FAAH2: variants seen among roughly 807,000 people sequenced by gnomAD.
FAAH2 encodes the protein fatty acid amide hydrolase 2.
FAAH2 carries 60 observed loss-of-function variants against 36.9 expected under a neutral mutation model. The ratio of observed to expected loss-of-function variants is 1.63; its 90% confidence interval spans 1.32 to 2.02. The LOEUF is 2.02. Among genes scored for constraint, FAAH2 ranks in the 30% most tolerant of loss-of-function variants. FAAH2 has a pLI of 0.00. For synonymous variants in FAAH2, 214 were observed against 143.8 expected, an observed-to-expected ratio of 1.49 and a Z score of -3.49; for missense variants, 689 against 397.5, an observed-to-expected ratio of 1.73 and a Z score of -6.23.
the FAAH2 span, among the ~76,000 whole-genome samples, chrX:57,242,511 AG>A: frequency 1.8e-5 from 2 of 112,477 alleles, no homozygotes; most frequent in South Asian, 7.4e-4. Flanking sequence ...GCTCCCAGCA[AG>A]GTCAACACAA....
the FAAH2 span, among the ~76,000 whole-genome samples, chrX:57,256,199 G>A: frequency 3.6e-5 from 4 of 111,243 alleles, no homozygotes; most frequent in Non-Finnish European, 3.8e-5. Flanking sequence ...AAAATACCTA[G>A]GAATCCAACT....
At chrX:57,353,502 A>G (rs960617287) in intron 5 of FAAH2, among the ~76,000 whole-genome samples, 9 of 105,062 alleles carry the variant, frequency 8.6e-5, no homozygotes, top group African/African-American at 2.2e-4. Context: ...AAAAAAAAAG[A>G]AAAAAAAGAA....
the FAAH2 span, among the ~76,000 whole-genome samples, chrX:57,146,654 G>T: frequency 1.8e-5 from 2 of 111,837 alleles, no homozygotes; most frequent in Non-Finnish European, 3.8e-5. Flanking sequence ...GTTCTCAGAG[G>T]AAATGCTTTC....
At chrX:57,152,913 C>T in the FAAH2 span, among the ~76,000 whole-genome samples, 1 of 110,016 alleles carries the variant, frequency 9.1e-6, no homozygotes, top group Non-Finnish European at 1.9e-5. Flanking sequence ...CCTTGGCTCC[C>T]CCCCCGCTGA....
chrX:57,338,762 C>G (rs1300505751), intron 4 of FAAH2, among the ~76,000 whole-genome samples: 2 of 109,959 alleles, frequency 1.8e-5, no homozygotes, highest in Non-Finnish European at 3.8e-5. Context: ...AGATAGGACA[C>G]AAACAAATGG....
chrX:57,163,307 T>C, the FAAH2 span, among the ~76,000 whole-genome samples: 21 of 112,123 alleles, frequency 1.9e-4, no homozygotes, highest in African/African-American at 6.5e-4. Context: ...GTTACTGCTG[T>C]CTTTTTTTTT....
At chrX:57,293,728 G>A (rs1286197744) in intron 2 of FAAH2, among the ~76,000 whole-genome samples, 1 of 111,428 alleles carries the variant, frequency 9.0e-6, no homozygotes, top group Non-Finnish European at 1.9e-5. Flanking sequence ...TTGTTGCAGA[G>A]CTTGTTTTTG....
chrX:57,482,496 TC>T (rs375265643), intron 10 of FAAH2, among the ~76,000 whole-genome samples: 3 of 109,210 alleles, frequency 2.7e-5, no homozygotes, highest in Middle Eastern at 9.7e-3. Flanking sequence ...GAGAGGGAGG[TC>T]CCCCAACTTC....
At chrX:57,216,581 T>TATATAC in the FAAH2 span, among the ~76,000 whole-genome samples, 1 of 10,821 alleles carries the variant, frequency 9.2e-5, no homozygotes, top group Non-Finnish European at 2.7e-4. Flanking sequence ...TGTATATATA[T>TATATAC]GTATATGTAT....
At chrX:57,258,686 C>T in the FAAH2 span, among the ~76,000 whole-genome samples, 3 of 104,489 alleles carry the variant, frequency 2.9e-5, no homozygotes, top group African/African-American at 1.1e-4. Context: ...ATGAGCATGA[C>T]TATAAAAAGG....
intron 4 of FAAH2, among the ~76,000 whole-genome samples, chrX:57,336,265 G>A (rs758832604): frequency 6.3e-5 from 7 of 110,485 alleles, no homozygotes; most frequent in East Asian, 2.9e-4. Flanking sequence ...CATTCTGCCC[G>A]CCAGAGAAGA....
At chrX:57,392,409 T>C (rs1044031385) in intron 7 of FAAH2, among the ~76,000 whole-genome samples, 22 of 111,912 alleles carry the variant, frequency 2.0e-4, no homozygotes, top group African/African-American at 6.8e-4. Flanking sequence ...AACTATTTCC[T>C]TTTATTCTGT....
the FAAH2 span, chrX:57,135,839 A>T: frequency 8.3e-7 from 1 of 1,201,967 alleles, no homozygotes; most frequent in Non-Finnish European, 1.1e-6. Flanking sequence ...TTTTCACCAA[A>T]TCGTAGACAT....
At chrX:57,391,172 GTT>G (rs928217710) in intron 7 of FAAH2, among the ~76,000 whole-genome samples, 5 of 109,428 alleles carry the variant, frequency 4.6e-5, no homozygotes, top group Non-Finnish European at 9.6e-5. Context: ...TTTTAATGGG[GTT>G]TTTTTTGTTG....
chrX:57,464,239 C>T (rs1327388641), intron 10 of FAAH2, among the ~76,000 whole-genome samples: 1 of 110,467 alleles, frequency 9.1e-6, no homozygotes, highest in African/African-American at 3.3e-5. Flanking sequence ...GGGAACATCA[C>T]ATACCGTGGC....
At chrX:57,480,962 T>A (rs5914115) in intron 10 of FAAH2, among the ~76,000 whole-genome samples, 38,003 of 106,981 alleles carry the variant, frequency 0.36, 6,207 homozygotes, top group Middle Eastern at 0.59. Context: ...TTTTTTCTAA[T>A]CTTGTAATCT....
At chrX:57,239,570 G>A in the FAAH2 span, among the ~76,000 whole-genome samples, 1 of 110,153 alleles carries the variant, frequency 9.1e-6, no homozygotes, top group Non-Finnish European at 1.9e-5. Flanking sequence ...TTCTCAATTT[G>A]AATGTGAACT....
At chrX:57,183,399 C>T in the FAAH2 span, among the ~76,000 whole-genome samples, 4 of 110,853 alleles carry the variant, frequency 3.6e-5, no homozygotes, top group African/African-American at 6.6e-5. Context: ...ATTATACGTT[C>T]TTAAAAAATG....
intron 5 of FAAH2, among the ~76,000 whole-genome samples, chrX:57,349,677 A>G (rs1280624491): frequency 9.2e-6 from 1 of 108,899 alleles, no homozygotes; most frequent in Non-Finnish European, 1.9e-5. Context: ...TACAACTTAA[A>G]GAAAGGTCTT....
Sources: gnomAD v4.1 joint callset for allele counts (sites outside exome capture counted in the v4.1 genomes callset) on GRCh38, gnomAD v4.1.1 for gene constraint, MANE v1.5 for transcripts, NCBI Gene and HGNC (gene_info 2026-07-23, HGNC 2026-07-21) for gene names.